PKHD1: variants seen among roughly 807,000 people sequenced by gnomAD.
The protein encoded by PKHD1 is fibrocystin.
PKHD1 carries 291 observed loss-of-function variants against 412.0 expected under a neutral mutation model. The observed-to-expected ratio is 0.71, with a 90% confidence interval of 0.64 to 0.78. The LOEUF (loss-of-function observed/expected upper bound fraction) is 0.78. Ranked by LOEUF, PKHD1 falls within the 30% of genes least tolerant of loss-of-function variation. The pLI, the probability that PKHD1 is intolerant of heterozygous loss-of-function variation, is 0.00. For synonymous variants in PKHD1, 1,777 were observed against 1,821.5 expected, an observed-to-expected ratio of 0.98 and a Z score of 0.62; for missense variants, 4,825 against 4,950.7, an observed-to-expected ratio of 0.97 and a Z score of 0.76.
chr6:51,825,467 T>C (rs1431963817), intron 52 of PKHD1, among the ~76,000 whole-genome samples: 1 of 152,080 alleles, frequency 6.6e-6, no homozygotes, highest in Non-Finnish European at 1.5e-5. Flanking sequence ...AGCCCCATAA[T>C]AAACCCATGA....
rs770996563 is a variant in PKHD1, at chr6:52,055,596, C to T, written c.1827G>A (p.Gln609=). The change falls in exon 19 of 67, where the codon CAG becomes CAA. Residue 609 remains glutamine (Q), a synonymous_variant. Transcript: ENST00000371117. ...AAAGACTGCTACTCACGTGTGTATA[C>T]TGATCTAGCCGATAGCCCTTCTGGG... The part of the protein sequence containing the change: ...PAAQKGYRLD[Q]YTHLCLAYKG... 1 of 1,613,998 alleles carries T rather than the reference C, an allele frequency of 6.2e-7. No homozygotes were observed. The highest frequency in any genetic ancestry group is 8.5e-7 in the Non-Finnish European group (1 of 1,179,900).
At chr6:52,002,044 C>A (rs1798464210) in intron 35 of PKHD1, among the ~76,000 whole-genome samples, 2 of 152,130 alleles carry the variant, frequency 1.3e-5, no homozygotes, top group South Asian at 4.1e-4. Flanking sequence ...ATTCTTACAA[C>A]CCTACAAGGT....
intron 4 of PKHD1, among the ~76,000 whole-genome samples, chr6:52,080,326 GT>G (rs1811859981): frequency 6.6e-6 from 1 of 152,146 alleles, no homozygotes; most frequent in South Asian, 2.1e-4. Context: ...CCATTTCCAT[GT>G]TTCAAAAAAT....
rs754808508 is a variant in PKHD1 at position 51,659,900 on chromosome 6, T to C, written c.10226A>G (p.Asp3409Gly). The change falls in exon 61 of 67, where the codon GAC becomes GGC. Residue 3409 changes from aspartate to glycine, a missense_variant. Physicochemically the swap from Asp to Gly is moderately conservative, Grantham distance 94. Coordinates refer to ENST00000371117, the MANE Select transcript of PKHD1 (RefSeq NM_138694.4). ...LMQGFICKQT[D>G]QVVLILDSAD... ...GCTATCAAGAATTAGGACCACTTGG[T>C]CAGTCTGTTTGCAGATGAATCCTTG... 19 of 1,612,720 alleles carry C rather than the reference T, an allele frequency of 1.2e-5. No homozygotes were observed. The highest frequency in any genetic ancestry group is 6.7e-5 in the Admixed American group (4 of 59,902).
intron 65 of PKHD1, among the ~76,000 whole-genome samples, chr6:51,628,585 A>G (rs1767563399): frequency 6.6e-6 from 1 of 152,184 alleles, no homozygotes; most frequent in Non-Finnish European, 1.5e-5. Context: ...TCTTTTGGGT[A>G]TATACCCAGT....
chr6:51,983,862 G>A (rs1795892065), intron 35 of PKHD1, among the ~76,000 whole-genome samples: 1 of 152,234 alleles, frequency 6.6e-6, no homozygotes, highest in Non-Finnish European at 1.5e-5. Context: ...TTATTGAAAA[G>A]GCACAGCTTT....
At position 51,616,594 on chromosome 6, in the gene PKHD1, CA is replaced by C. The variant is rs201097831; in HGVS notation, c.*2486del. The C allele has an allele frequency of 0.014, 5,520 of 396,234 alleles. 56 individuals are homozygous for C. The highest frequency in any genetic ancestry group is 0.019 in the Non-Finnish European group (4,340 of 225,254). The allele number at this position is 396,234 out of a possible 1,614,324, so 24.5% of individuals were successfully genotyped here. On this transcript the variant is annotated 3_prime_UTR_variant, in exon 67 of 67. Coordinates refer to ENST00000371117, the MANE Select transcript of PKHD1 (RefSeq NM_138694.4). ...GGGTTGAGGAATTTTAGCTAGATGC[CA>C]AAATTCCATGCCACATGCTAGAGCC... is the stretch of plus-strand genomic sequence containing the variant.
chr6:52,001,506 T>G (rs1175317190), intron 35 of PKHD1, among the ~76,000 whole-genome samples: 1 of 151,594 alleles, frequency 6.6e-6, no homozygotes, highest in Non-Finnish European at 1.5e-5. Flanking sequence ...CTCAGCTCAC[T>G]GCAAGCTCCG....
chr6:51,651,554 T>C lies in PKHD1; in HGVS notation c.11175-2334A>G, dbSNP rs538673386. On this transcript the variant is annotated intron_variant, in intron 61 of 66. Coordinates refer to ENST00000371117, the MANE Select transcript of PKHD1 (RefSeq NM_138694.4). Reference sequence around the variant, plus strand: ...AAAGCAAAGGAAAAGGGCACTGTCTTCTTCTGATAGGTCAATAGCAGCCAA... The same window carrying C: ...AAAGCAAAGGAAAAGGGCACTGTCTCCTTCTGATAGGTCAATAGCAGCCAA... Among the ~76,000 whole-genome samples, 15 of 152,244 alleles carry C rather than the reference T, an allele frequency of 9.9e-5. No individual in the cohort carries two copies. In the South Asian group the frequency reaches 2.9e-3, roughly 29 times the overall value.
rs995867785 is a variant in PKHD1 at position 51,906,152 on chromosome 6, T to G, written c.6808+63A>C. The G allele has an allele frequency of 7.1e-6, 10 of 1,410,062 alleles. No homozygotes were observed. The Admixed American group carries it at 1.5e-4, about 21-fold the overall frequency. 87.3% of individuals were successfully genotyped at this position (1,410,062 alleles called of 1,614,324 possible). On this transcript the variant is annotated intron_variant, in intron 41 of 66. Coordinates refer to ENST00000371117, the MANE Select transcript of PKHD1 (RefSeq NM_138694.4). Reference sequence around the variant, plus strand: ...TTAGGAATTAGAAATTTGGGGAGAATTCATTGTGAAAAACTGTGTCCTACA... The same window carrying G: ...TTAGGAATTAGAAATTTGGGGAGAAGTCATTGTGAAAAACTGTGTCCTACA...
chr6:51,921,853 T>A (rs551849835), intron 37 of PKHD1, among the ~76,000 whole-genome samples: 32 of 152,318 alleles, frequency 2.1e-4, no homozygotes, highest in Non-Finnish European at 3.2e-4. Context: ...GGTTTGTAGC[T>A]TCTTTGTGAG....
chr6:52,009,709 G>C (rs991720995), intron 35 of PKHD1, among the ~76,000 whole-genome samples: 2 of 152,056 alleles, frequency 1.3e-5, no homozygotes, highest in African/African-American at 4.8e-5. Flanking sequence ...TTCCTCTCTG[G>C]AGACTTACAA....
At chr6:51,671,281 A>C (rs865982834) in intron 60 of PKHD1, among the ~76,000 whole-genome samples, 1 of 151,670 alleles carries the variant, frequency 6.6e-6, no homozygotes, top group Admixed American at 6.6e-5. Flanking sequence ...TTCCCTTCTC[A>C]CTTCATTTCA....
chr6:51,703,650 T>C (rs1779699167), intron 60 of PKHD1, among the ~76,000 whole-genome samples: 1 of 152,028 alleles, frequency 6.6e-6, no homozygotes, highest in South Asian at 2.1e-4. Flanking sequence ...ACTTATTATC[T>C]AAATTCAGAA....
chr6:51,627,181 G>C (rs1767360608), intron 65 of PKHD1, 65 bp from the exon 66 acceptor site: 1 of 1,461,946 alleles, frequency 6.8e-7, no homozygotes, highest in Non-Finnish European at 9.5e-7. Flanking sequence ...CAGCATTTAG[G>C]TGTTTCCCTT....
intron 35 of PKHD1, among the ~76,000 whole-genome samples, chr6:51,962,486 C>CTA (rs1792202368): frequency 6.6e-6 from 1 of 152,130 alleles, no homozygotes; most frequent in Non-Finnish European, 1.5e-5. Flanking sequence ...CTTCCATGTG[C>CTA]TATAACCTCT....
At chr6:51,934,927 T>C (rs1228352909) in intron 36 of PKHD1, among the ~76,000 whole-genome samples, 1 of 152,060 alleles carries the variant, frequency 6.6e-6, no homozygotes, top group African/African-American at 2.4e-5. Context: ...TTAAGAGAAA[T>C]ATGGAGCAAA....
chr6:51,911,901 C>A lies in PKHD1; in HGVS notation c.6388G>T (p.Ala2130Ser). ...WVAGEHHILK[A>S]TVALLSRSIT... ...CTCCTGCTGAGCAGAGCCACAGTGG[C>A]CTTTAAAATATGGTGCTCTCCAGCC... Residue 2130 changes from alanine to serine, a missense_variant, in exon 39 of 67, where the codon GCC becomes TCC. By Grantham distance (99) the Ala-to-Ser change is moderately conservative. Transcript: ENST00000371117. 6.2e-7 allele frequency: 1 copy of A among 1,611,550 alleles called. No homozygotes were observed. The highest frequency in any genetic ancestry group is 8.5e-7 in the Non-Finnish European group (1 of 1,178,118).
chr6:52,046,016 G>C lies in PKHD1; in HGVS notation c.2580C>G (p.Pro860=), dbSNP rs1384058662. The change falls in exon 24 of 67, where the codon CCC becomes CCG. Residue 860 remains proline, a synonymous_variant. Coordinates refer to ENST00000371117, the MANE Select transcript of PKHD1 (RefSeq NM_138694.4). ...ATACTATACATACCCTGATAAAATT[G>C]GGCAAATCCCCAATCTGAGTGGACC... ...LSWSTQIGDL[P]NFIRVSDENL... The C allele has an allele frequency of 6.2e-7, 1 of 1,612,006 alleles. No individual in the cohort carries two copies. Among genetic ancestry groups the C allele is most frequent in the Non-Finnish European group, 8.5e-7 (1 of 1,178,608 alleles).
Sources: gnomAD v4.1 joint callset for allele counts (sites outside exome capture counted in the v4.1 genomes callset) on GRCh38, gnomAD v4.1.1 for gene constraint, MANE v1.5 for transcripts, NCBI Gene and HGNC (gene_info 2026-07-23, HGNC 2026-07-21) for gene names.